SNTG2: variants seen among roughly 807,000 people sequenced by gnomAD.
SNTG2 encodes the protein syntrophin gamma 2.
In SNTG2, 74 loss-of-function variants were observed where a neutral mutation model predicts 70.9. That is an observed-to-expected ratio of 1.04 (90% CI 0.86 to 1.27). The LOEUF (loss-of-function observed/expected upper bound fraction) is 1.27. Ranked by LOEUF, SNTG2 falls within the 50% of genes most tolerant of loss-of-function variation. SNTG2 has a pLI of 0.00. For missense variants in SNTG2, 717 were observed against 690.7 expected (o/e 1.04, Z -0.43); for synonymous variants, 278 against 273.8 (o/e 1.02, Z -0.15).
chr2:1,360,031 C>A (rs1320572940), intron 16 of SNTG2, among the ~76,000 whole-genome samples: 2 of 142,706 alleles, frequency 1.4e-5, no homozygotes. Context: ...GGGCACTGAA[C>A]AAATTCTATC....
At chr2:1,044,026 C>T (rs749819835) in intron 1 of SNTG2, among the ~76,000 whole-genome samples, 39 of 151,998 alleles carry the variant, frequency 2.6e-4, no homozygotes, top group Non-Finnish European at 4.7e-4. Flanking sequence ...CAGTATTGAT[C>T]CTTCTTATCC....
At chr2:1,296,359 C>A (rs929718836) in intron 14 of SNTG2, among the ~76,000 whole-genome samples, 1 of 152,154 alleles carries the variant, frequency 6.6e-6, no homozygotes, top group Non-Finnish European at 1.5e-5. Context: ...GACTGTTATT[C>A]CCATTTTTCA....
At chr2:1,007,523 A>C (rs958205307) in intron 1 of SNTG2, among the ~76,000 whole-genome samples, 4 of 152,206 alleles carry the variant, frequency 2.6e-5, no homozygotes, top group Non-Finnish European at 5.9e-5. Context: ...GTGAAGATTG[A>C]AGATGATGTC....
intron 4 of SNTG2, among the ~76,000 whole-genome samples, chr2:1,110,129 G>A: frequency 6.6e-6 from 1 of 152,110 alleles, no homozygotes; most frequent in Non-Finnish European, 1.5e-5. Context: ...ACAAAACCCA[G>A]GTCCCAAAGC....
rs1670647849 is a variant in SNTG2, at chr2:1,165,543, G to T, written c.412-5G>T. ...TAAAAGTAGCTATTTTTGTCATATT[G>T]ACAGGTGCATCTGCTGAGAAATGCT... On this transcript the variant is annotated splice_region_variant and splice_polypyrimidine_tract_variant and intron_variant, in intron 6 of 16. Coordinates refer to ENST00000308624, the MANE Select transcript of SNTG2 (RefSeq NM_018968.4). The T allele has an allele frequency of 1.2e-6, 2 of 1,610,022 alleles. No homozygotes were observed. Among genetic ancestry groups the T allele is most frequent in the South Asian group, 2.2e-5 (2 of 89,924 alleles).
chr2:1,309,563 G>A (rs1398596286), intron 15 of SNTG2, among the ~76,000 whole-genome samples: 1 of 152,242 alleles, frequency 6.6e-6, no homozygotes, highest in Non-Finnish European at 1.5e-5. Context: ...GCAGGGTGGA[G>A]CCCAGGGATG....
intron 13 of SNTG2, among the ~76,000 whole-genome samples, chr2:1,263,828 G>T (rs182095238): frequency 2.0e-5 from 3 of 152,288 alleles, no homozygotes; most frequent in Admixed American, 6.5e-5. Flanking sequence ...AAAAGTGGAG[G>T]CTCTGAGAGA....
At chr2:1,301,061 A>G (rs76110384) in intron 14 of SNTG2, among the ~76,000 whole-genome samples, 1,760 of 152,174 alleles carry the variant, frequency 0.012, 36 homozygotes, top group African/African-American at 0.04. Flanking sequence ...AGCTGTGTAA[A>G]ATGGGATGGC....
intron 1 of SNTG2, among the ~76,000 whole-genome samples, chr2:958,036 C>T (rs967568865): frequency 8.5e-5 from 13 of 152,128 alleles, no homozygotes; most frequent in Non-Finnish European, 1.8e-4. Flanking sequence ...TTGCTAACAT[C>T]TACTAGGTAC....
intron 16 of SNTG2, among the ~76,000 whole-genome samples, chr2:1,364,301 A>G (rs1408903610): frequency 6.6e-6 from 1 of 151,430 alleles, no homozygotes; most frequent in African/African-American, 2.4e-5. Context: ...ACTTTCAAAG[A>G]TTATGCAGTG....
chr2:1,221,394 T>TCTCC (rs1674792208), intron 9 of SNTG2, among the ~76,000 whole-genome samples: 1 of 1,088 alleles, frequency 9.2e-4, no homozygotes, highest in Admixed American at 7.1e-3. Flanking sequence ...CCTCCCTCTG[T>TCTCC]CTCTGTCCCT....
Position 988,279 on chromosome 2 carries a change from T to C in SNTG2, c.72+37211T>C, listed in dbSNP as rs1000270193. 3.3e-5 allele frequency among the ~76,000 whole-genome samples: 5 copies of C among 152,290 alleles called. 2 individuals carry two copies. The South Asian group carries it at 1.0e-3, about 32-fold the overall frequency. ...AGATGTAATCATAGAGCCACAACTA[T>C]GATCAAGATTAGACACTCATGACCC... On this transcript the variant is annotated intron_variant, in intron 1 of 16. Transcript: ENST00000308624.
intron 8 of SNTG2, among the ~76,000 whole-genome samples, chr2:1,179,140 G>A (rs868763339): frequency 3.4e-4 from 51 of 152,204 alleles, no homozygotes; most frequent in Middle Eastern, 3.4e-3. Context: ...CTGTGGGATC[G>A]GTGGTGATAT....
Position 1,299,691 on chromosome 2 carries a change from G to T in SNTG2, c.1285-8803G>T, listed in dbSNP as rs115182605. Among the ~76,000 whole-genome samples, 232 of 152,342 alleles carry T rather than the reference G, an allele frequency of 1.5e-3. 1 individual carries two copies. Among genetic ancestry groups the T allele is most frequent in the African/African-American group, 5.2e-3 (215 of 41,566 alleles). ...TGAAGCAACCCACAAGAAACGTGGAGCACAACTGCAATGCTGAGCTGTGGT... is the reference window on the plus strand; with the variant it reads ...TGAAGCAACCCACAAGAAACGTGGATCACAACTGCAATGCTGAGCTGTGGT... On this transcript the variant is annotated intron_variant, in intron 14 of 16. Transcript: ENST00000308624.
chr2:1,027,141 G>C (rs1335900922), intron 1 of SNTG2, among the ~76,000 whole-genome samples: 37 of 152,056 alleles, frequency 2.4e-4, no homozygotes, highest in Admixed American at 2.4e-3. Context: ...CCCTACATCT[G>C]CTCACTGCCT....
intron 1 of SNTG2, among the ~76,000 whole-genome samples, chr2:1,020,588 A>G (rs1660112343): frequency 6.6e-6 from 1 of 150,850 alleles, no homozygotes; most frequent in Non-Finnish European, 1.5e-5. Context: ...AAAAATTCCA[A>G]CAGAAAAGTT....
intron 7 of SNTG2, among the ~76,000 whole-genome samples, chr2:1,168,659 A>G (rs151005125): frequency 2.8e-4 from 42 of 152,356 alleles, no homozygotes; most frequent in African/African-American, 9.9e-4. Context: ...TCACAGCAGG[A>G]TAACTATGCT....
intron 16 of SNTG2, among the ~76,000 whole-genome samples, chr2:1,327,435 GC>G (rs1267867545): frequency 6.6e-6 from 1 of 152,138 alleles, no homozygotes; most frequent in Non-Finnish European, 1.5e-5. Context: ...GCTTAGCAAA[GC>G]TTTAAGGGTA....
chr2:998,725 T>C (rs1015564785), intron 1 of SNTG2, among the ~76,000 whole-genome samples: 3 of 152,042 alleles, frequency 2.0e-5, no homozygotes, highest in African/African-American at 7.2e-5. Flanking sequence ...GAGGAAATAA[T>C]TGAAAATAAA....
Sources: gnomAD v4.1 joint callset for allele counts (sites outside exome capture counted in the v4.1 genomes callset) on GRCh38, gnomAD v4.1.1 for gene constraint, MANE v1.5 for transcripts, NCBI Gene and HGNC (gene_info 2026-07-23, HGNC 2026-07-21) for gene names.